The following ABCA4 variants were observed in gnomAD, a reference collection of about 807,000 sequenced individuals.
ABCA4 encodes retinal-specific phospholipid-transporting ATPase ABCA4.
ABCA4 carries 196 observed loss-of-function variants against 263.7 expected under a neutral mutation model. The observed-to-expected ratio is 0.74, with a 90% CI of 0.66 to 0.84. The LOEUF is 0.84. Among genes scored for constraint, ABCA4 ranks in the 40% least tolerant of loss-of-function variants. The pLI, the probability that ABCA4 is intolerant of heterozygous loss-of-function variation, is 0.00. For synonymous variants in ABCA4, 1,133 were observed against 1,094.2 expected, an observed-to-expected ratio of 1.04 and a Z score of -0.70; for missense variants, 2,792 against 2,855.1, an observed-to-expected ratio of 0.98 and a Z score of 0.50.
In ABCA4 at chr1:94,092,895, A is replaced by C. The variant is rs368369003; in HGVS notation, c.768+5899T>G. Among the ~76,000 whole-genome samples the C allele has an allele frequency of 2.0e-5, 3 of 152,344 alleles. No individual in the cohort carries two copies. The East Asian group carries it at 5.8e-4, about 29-fold the overall frequency. ...ATAAGAGCAAAATGCTTTTTGTTCA[A>C]AGTGTTTTTCCATCTCTTCTCTAAT... is the stretch of plus-strand genomic sequence containing the variant. On this transcript the variant is annotated intron_variant, in intron 6 of 49. Transcript: ENST00000370225.
intron 28 of ABCA4, 62 bp downstream of exon 28, chr1:94,030,934 G>T (rs112617164): frequency 6.2e-7 from 1 of 1,610,540 alleles, no homozygotes; most frequent in Non-Finnish European, 8.5e-7. Context: ...GCCCTTCTAA[G>T]CAGCATGTGA....
chr1:93,993,394 G>A, intron 49 of ABCA4, 152 bp from the exon 50 acceptor site: 1 of 939,494 alleles, frequency 1.1e-6, no homozygotes, highest in Non-Finnish European at 1.7e-6. Flanking sequence ...CAGGTTATGG[G>A]CCATCTTTCT....
At chr1:94,050,782 GA>G (rs1173877449) in intron 17 of ABCA4, among the ~76,000 whole-genome samples, 1 of 150,746 alleles carries the variant, frequency 6.6e-6, no homozygotes, top group Non-Finnish European at 1.5e-5. Flanking sequence ...AAAAACAAAA[GA>G]AAAAAAGAAA....
intron 33 of ABCA4, 52 bp from the exon 34 acceptor site, chr1:94,021,766 T>C: frequency 1.9e-6 from 3 of 1,607,844 alleles, no homozygotes; most frequent in Non-Finnish European, 2.6e-6. Flanking sequence ...TTTTTTCCTG[T>C]TATCACTCAT....
chr1:94,065,932 A>G (rs530907521), intron 11 of ABCA4, among the ~76,000 whole-genome samples: 229 of 152,332 alleles, frequency 1.5e-3, no homozygotes, highest in African/African-American at 5.3e-3. Flanking sequence ...CATAGAGCTA[A>G]GGGAAATGGA....
chr1:94,048,810 C>G, intron 18 of ABCA4, 58 bp downstream of exon 18: 5 of 1,543,204 alleles, frequency 3.2e-6, no homozygotes, highest in Non-Finnish European at 4.5e-6. Context: ...CTCTGGCCCT[C>G]TGCAGTGCTT....
chr1:94,021,710 G>A lies in ABCA4; in HGVS notation c.4778C>T (p.Pro1593Leu). The A allele has an allele frequency of 3.1e-6, 5 of 1,611,914 alleles. 1 individual carries two copies. In the South Asian group the frequency reaches 5.5e-5, roughly 18 times the overall value. ...LGRIMNVSGG[P>L]ITREASKEIP... ...TTCTTTAGAGGCCTCTCTAGTGATA[G>A]GGCCCTAAAAACCATGTAAACAAAC... The change falls in exon 34 of 50, where the codon CCT becomes CTT. Residue 1593 changes from proline (P) to leucine (L), a missense_variant. Physicochemically the swap from Pro to Leu is moderately conservative, Grantham distance 98. Coordinates refer to ENST00000370225, the MANE Select transcript of ABCA4 (RefSeq NM_000350.3).
rs187514648 is a variant in ABCA4, at chr1:94,116,905, C to T, written c.67-3839G>A. Among the ~76,000 whole-genome samples the T allele has an allele frequency of 1.2e-4, 19 of 152,174 alleles. No homozygotes were observed. In the South Asian group the frequency reaches 1.5e-3, roughly 12 times the overall value. ...TTCTTTTTTCCCAAACTGGTATTTC[C>T]TTCTTTTTTTCTTTTTCTTTTCTTT... On this transcript the variant is annotated intron_variant, in intron 1 of 49. Coordinates refer to ENST00000370225, the MANE Select transcript of ABCA4 (RefSeq NM_000350.3).
chr1:94,063,080 A>G (rs1213223447), intron 12 of ABCA4, 32 bp downstream of exon 12: 2 of 1,585,084 alleles, frequency 1.3e-6, no homozygotes, highest in Admixed American at 1.7e-5. Flanking sequence ...CTGACTTTGG[A>G]GAAATGCAGC....
Position 94,037,395 on chromosome 1 carries a change from C to G in ABCA4, c.3608-45G>C, listed in dbSNP as rs759171084. 4 of 1,579,510 alleles carry G rather than the reference C, an allele frequency of 2.5e-6. No individual in the cohort carries two copies. In the South Asian group the frequency reaches 3.3e-5, roughly 13 times the overall value. Reference sequence around the variant, plus strand: ...TGATGCCAGCTCTGTTTTCCAGAAACTGGAAGACTGTGAGGTTACCCAGAT... The same window carrying G: ...TGATGCCAGCTCTGTTTTCCAGAAAGTGGAAGACTGTGAGGTTACCCAGAT... On this transcript the variant is annotated intron_variant, in intron 24 of 49. Transcript: ENST00000370225.
intron 7 of ABCA4, 46 bp downstream of exon 7, chr1:94,083,306 T>C (rs1323292186): frequency 6.9e-7 from 1 of 1,440,384 alleles, no homozygotes; most frequent in East Asian, 2.3e-5. Flanking sequence ...GGGTAAATGG[T>C]GGAAAGACAT....
chr1:94,016,428 C>T (rs1659747648), intron 36 of ABCA4, among the ~76,000 whole-genome samples: 1 of 152,048 alleles, frequency 6.6e-6, no homozygotes, highest in Admixed American at 6.5e-5. Context: ...GGAGGCTGAT[C>T]TGGTGCAGGG....
At chr1:94,076,956 C>T (rs970608800) in intron 11 of ABCA4, among the ~76,000 whole-genome samples, 9 of 152,184 alleles carry the variant, frequency 5.9e-5, no homozygotes, top group Admixed American at 4.6e-4. Context: ...GGATCCTGTT[C>T]GCTCCTCTTA....
At chr1:94,043,764 A>C (rs1660586005) in intron 20 of ABCA4, among the ~76,000 whole-genome samples, 1 of 123,104 alleles carries the variant, frequency 8.1e-6, no homozygotes, top group Admixed American at 9.5e-5. Context: ...TGTTTAAAAA[A>C]GCAATCCTTT....
At chr1:94,026,838 G>A (rs775304657) in intron 30 of ABCA4, among the ~76,000 whole-genome samples, 14 of 152,084 alleles carry the variant, frequency 9.2e-5, no homozygotes, top group Non-Finnish European at 1.5e-5. Flanking sequence ...TCAGGCCCAC[G>A]CCCTCTGGAC....
In ABCA4 at chr1:94,060,538, A is replaced by G. The variant is rs1661092784; in HGVS notation, c.2159T>C (p.Met720Thr). ...MSIFLLTIFI[M>T]HGRILHYSDP... ...CTGGGCCTTCTCCATTTGGCTTACC[A>G]TGATGAATATCGTCAGGAGGAAGAT... Residue 720 changes from methionine to threonine, a missense_variant and splice_region_variant, in exon 14 of 50, where the codon ATG becomes ACG. Transcript: ENST00000370225. 1.2e-6 allele frequency: 2 copies of G among 1,613,504 alleles called. No homozygotes were observed. Among genetic ancestry groups the G allele is most frequent in the Admixed American group, 1.7e-5 (1 of 60,014 alleles).
At chr1:94,110,019 C>T (rs997744592) in intron 3 of ABCA4, among the ~76,000 whole-genome samples, 6 of 152,174 alleles carry the variant, frequency 3.9e-5, no homozygotes, top group African/African-American at 1.4e-4. Flanking sequence ...ACCAAAGCTC[C>T]ATGCAGCCTC....
chr1:94,054,767 C>G (rs1660928005), intron 16 of ABCA4, among the ~76,000 whole-genome samples: 1 of 152,080 alleles, frequency 6.6e-6, no homozygotes, highest in African/African-American at 2.4e-5. Context: ...GAGGAAAAGC[C>G]AGTGCAAGCA....
At position 94,051,638 on chromosome 1, in the gene ABCA4, C is replaced by T; in HGVS notation, c.2648G>A (p.Gly883Asp). ...FLLQESYWLG[G>D]EGCSTREERA... ...TTGTGTTTTAAAGGACTCACCTTCA[C>T]CGCCAAGCCAATACGACTCTTGTAG... The change falls in exon 17 of 50, where the codon GGT becomes GAT. Residue 883 changes from glycine to aspartate, a missense_variant. By Grantham distance (94) the Gly-to-Asp change is moderately conservative. Transcript: ENST00000370225. The T allele has an allele frequency of 1.1e-5, 17 of 1,613,628 alleles. No individual in the cohort carries two copies. Among genetic ancestry groups the T allele is most frequent in the Non-Finnish European group, 1.4e-5 (17 of 1,179,514 alleles).
Sources: gnomAD v4.1 joint callset for allele counts (sites outside exome capture counted in the v4.1 genomes callset) on GRCh38, gnomAD v4.1.1 for gene constraint, MANE v1.5 for transcripts, NCBI Gene and HGNC (gene_info 2026-07-23, HGNC 2026-07-21) for gene names.